The following TEX10 variants were observed in gnomAD, a reference collection of about 807,000 sequenced individuals.
The protein encoded by TEX10 is testis expressed 10.
A neutral mutation model predicts 104.4 loss-of-function variants in TEX10; 24 were observed. That is an observed-to-expected ratio of 0.23 (90% CI 0.17 to 0.32). TEX10 has a LOEUF of 0.32. TEX10 is among the 10% of genes least tolerant of loss of function. TEX10 has a pLI of 1.00. For synonymous variants in TEX10, 396 were observed against 393.4 expected, an observed-to-expected ratio of 1.01 and a Z score of -0.08; for missense variants, 921 against 1,083.9, an observed-to-expected ratio of 0.85 and a Z score of 2.11.
At chr9:100,314,160 T>G (rs1257259488) in intron 11 of TEX10, among the ~76,000 whole-genome samples, 1 of 150,886 alleles carries the variant, frequency 6.6e-6, no homozygotes, top group Non-Finnish European at 1.5e-5. Context: ...CTGTCTAGGC[T>G]CACTGCAACC....
intron 1 of TEX10, chr9:100,352,368 C>T (rs536233904): frequency 9.1e-5 from 141 of 1,550,958 alleles, no homozygotes; most frequent in Non-Finnish European, 1.2e-4. Context: ...GGGACGCCAG[C>T]TCATCCCCAC....
intron 5 of TEX10, among the ~76,000 whole-genome samples, chr9:100,338,004 C>A (rs891042913): frequency 3.3e-5 from 5 of 152,122 alleles, no homozygotes; most frequent in Non-Finnish European, 5.9e-5. Context: ...AGTTACAGAG[C>A]TACTGTTTCT....
intron 8 of TEX10, 121 bp from the exon 9 acceptor site, chr9:100,326,600 A>G (rs1834710890): frequency 3.2e-6 from 3 of 926,888 alleles, no homozygotes; most frequent in Non-Finnish European, 3.1e-6. Context: ...AATTTTATGA[A>G]TATCAATTAC....
At chr9:100,323,038 A>G (rs1834610618) in intron 9 of TEX10, among the ~76,000 whole-genome samples, 1 of 152,248 alleles carries the variant, frequency 6.6e-6, no homozygotes, top group Admixed American at 6.5e-5. Context: ...GGTTATAAAA[A>G]GCACAGATGC....
chr9:100,303,956 T>C, intron 13 of TEX10, 114 bp from the exon 14 acceptor site: 1 of 1,023,608 alleles, frequency 9.8e-7, no homozygotes, highest in South Asian at 1.5e-5. Flanking sequence ...TCCAATAACA[T>C]TTAAACTGAG....
intron 11 of TEX10, among the ~76,000 whole-genome samples, chr9:100,316,140 G>A (rs569743162): frequency 6.0e-4 from 92 of 152,172 alleles, no homozygotes; most frequent in African/African-American, 2.2e-3. Context: ...CAAGATACTT[G>A]CAAATCAACT....
At chr9:100,313,023 T>C (rs1048923209) in intron 11 of TEX10, among the ~76,000 whole-genome samples, 4 of 152,130 alleles carry the variant, frequency 2.6e-5, no homozygotes, top group African/African-American at 9.7e-5. Flanking sequence ...GTAAATAAAT[T>C]CATTGGTATA....
chr9:100,317,765 C>A (rs77268479), intron 11 of TEX10, among the ~76,000 whole-genome samples: 2,090 of 152,014 alleles, frequency 0.014, 34 homozygotes, highest in African/African-American at 0.048. Flanking sequence ...ATTTACAATA[C>A]AAGGAACTCA....
At chr9:100,327,744 T>A in intron 8 of TEX10, 43 bp downstream of exon 8, 1 of 1,463,440 alleles carries the variant, frequency 6.8e-7, no homozygotes, top group African/African-American at 1.4e-5. Context: ...TATATCAGGG[T>A]GGATCAATGA....
chr9:100,338,779 C>T (rs1835077680), intron 5 of TEX10, among the ~76,000 whole-genome samples: 1 of 152,020 alleles, frequency 6.6e-6, no homozygotes, highest in African/African-American at 2.4e-5. Flanking sequence ...ATAATCCCAG[C>T]TACTCAGGAG....
chr9:100,346,454 A>G, intron 3 of TEX10, 139 bp from the exon 4 acceptor site: 1 of 1,137,936 alleles, frequency 8.8e-7, no homozygotes, highest in East Asian at 2.6e-5. Flanking sequence ...CTAGTAAGAA[A>G]AATGAAATTC....
At chr9:100,317,975 A>C (rs759790033) in intron 11 of TEX10, among the ~76,000 whole-genome samples, 1 of 152,150 alleles carries the variant, frequency 6.6e-6, no homozygotes, top group Non-Finnish European at 1.5e-5. Flanking sequence ...GACAAAAAAA[A>C]CAGATATTGG....
At chr9:100,351,975 C>T (rs971784498) in intron 1 of TEX10, among the ~76,000 whole-genome samples, 5 of 151,902 alleles carry the variant, frequency 3.3e-5, no homozygotes, top group Non-Finnish European at 5.9e-5. Flanking sequence ...TTTGCGATCC[C>T]CAATAGTTTC....
chr9:100,302,928 G>GCCC (rs34327969), intron 14 of TEX10, among the ~76,000 whole-genome samples: 326 of 134,194 alleles, frequency 2.4e-3, no homozygotes, highest in African/African-American at 8.2e-3. Flanking sequence ...TTTTTTAACC[G>GCCC]CCCCCCCCCC....
intron 4 of TEX10, among the ~76,000 whole-genome samples, chr9:100,342,485 A>G (rs1038068193): frequency 2.0e-5 from 3 of 152,216 alleles, no homozygotes; most frequent in Admixed American, 6.5e-5. Flanking sequence ...GCACTGTCCA[A>G]TATAGTAACC....
intron 5 of TEX10, among the ~76,000 whole-genome samples, chr9:100,337,611 C>T (rs1786568363): frequency 1.3e-5 from 2 of 152,200 alleles, no homozygotes; most frequent in African/African-American, 4.8e-5. Context: ...ACAGTTCTGA[C>T]TGAACCAAAA....
chr9:100,344,066 TA>T (rs1342078361), intron 4 of TEX10, among the ~76,000 whole-genome samples: 17 of 152,220 alleles, frequency 1.1e-4, no homozygotes, highest in Admixed American at 1.1e-3. Context: ...GGTTCCTTTT[TA>T]AAAAATAAAT....
intron 5 of TEX10, among the ~76,000 whole-genome samples, chr9:100,339,056 C>T (rs1835088399): frequency 6.6e-6 from 1 of 151,196 alleles, no homozygotes; most frequent in Non-Finnish European, 1.5e-5. Context: ...GAGTTCAAGA[C>T]CAGCCTGGCC....
At chr9:100,316,998 CACAA>C (rs1486022887) in intron 11 of TEX10, among the ~76,000 whole-genome samples, 2 of 147,202 alleles carry the variant, frequency 1.4e-5, no homozygotes, top group Non-Finnish European at 3.0e-5. Context: ...ATGTAGATGA[CACAA>C]ACAAATGGAA....
Sources: allele counts gnomAD v4.1 joint callset (sites outside exome capture counted in the v4.1 genomes callset), GRCh38; gene constraint gnomAD v4.1.1; transcripts MANE v1.5; gene names NCBI Gene and HGNC (gene_info 2026-07-23, HGNC 2026-07-21).